The following ITGA1 variants were observed in gnomAD, a reference collection of about 807,000 sequenced individuals.
ITGA1 encodes the protein integrin alpha-1.
ITGA1 carries 85 observed loss-of-function variants against 145.9 expected under a neutral mutation model. The observed-to-expected ratio is 0.58, with a 90% CI of 0.49 to 0.70. The LOEUF is 0.70. ITGA1 is among the 30% of genes least tolerant of loss of function. The pLI is 0.00. For missense variants in ITGA1, 1,351 were observed against 1,418.7 expected (o/e 0.95, Z 0.77); for synonymous variants, 520 against 495.3 (o/e 1.05, Z -0.66).
At chr5:52,914,690 A>G (rs1042610705) in intron 14 of ITGA1, among the ~76,000 whole-genome samples, 1 of 152,016 alleles carries the variant, frequency 6.6e-6, no homozygotes, top group Non-Finnish European at 1.5e-5. Context: ...TAGGCTTCTT[A>G]TTTTATGTTA....
chr5:52,893,617 T>C, intron 8 of ITGA1, 58 bp from the exon 9 acceptor site: 1 of 1,466,846 alleles, frequency 6.8e-7, no homozygotes, highest in Non-Finnish European at 9.3e-7. Flanking sequence ...ATGCTTGAGA[T>C]CCTTTATTTA....
In ITGA1 at chr5:52,836,864, G is replaced by A. The variant is rs1009994675; in HGVS notation, c.62-12501G>A. On this transcript the variant is annotated intron_variant, in intron 1 of 28. Coordinates refer to ENST00000282588, the MANE Select transcript of ITGA1 (RefSeq NM_181501.2). ...GATAAAATTAGAAAATCTTAGAGAA[G>A]TATCCTGTTACTACGTCTTCAAATG... Among the ~76,000 whole-genome samples, 4 of 151,986 alleles carry A rather than the reference G, an allele frequency of 2.6e-5. No individual in the cohort carries two copies. In the East Asian group the frequency reaches 7.7e-4, roughly 29 times the overall value.
intron 9 of ITGA1, 58 bp downstream of exon 9, chr5:52,893,898 G>A: frequency 7.4e-7 from 1 of 1,359,132 alleles, no homozygotes; most frequent in South Asian, 1.4e-5. Flanking sequence ...TCAGTATAAT[G>A]GGATTTTTGT....
chr5:52,875,989 A>G (rs950791827), intron 6 of ITGA1, among the ~76,000 whole-genome samples: 2 of 151,608 alleles, frequency 1.3e-5, no homozygotes, highest in Non-Finnish European at 2.9e-5. Flanking sequence ...GTTTCCTTCC[A>G]TAGTACTTTC....
At chr5:52,853,055 T>G (rs1749453599) in intron 2 of ITGA1, among the ~76,000 whole-genome samples, 1 of 152,156 alleles carries the variant, frequency 6.6e-6, no homozygotes, top group Non-Finnish European at 1.5e-5. Flanking sequence ...CATATTAATA[T>G]GTGTGTAAGT....
intron 1 of ITGA1, among the ~76,000 whole-genome samples, chr5:52,810,956 T>G (rs1392854965): frequency 1.3e-5 from 2 of 152,204 alleles, no homozygotes; most frequent in Non-Finnish European, 2.9e-5. Context: ...TTCATACAGA[T>G]TCACATATGT....
At chr5:52,919,589 C>T (rs1750701703) in intron 16 of ITGA1, among the ~76,000 whole-genome samples, 1 of 152,136 alleles carries the variant, frequency 6.6e-6, no homozygotes, top group South Asian at 2.1e-4. Context: ...GCCATTAATC[C>T]TTAAAATCTG....
At chr5:52,949,483 T>G (rs1335031451) in intron 28 of ITGA1, among the ~76,000 whole-genome samples, 1 of 152,168 alleles carries the variant, frequency 6.6e-6, no homozygotes, top group Non-Finnish European at 1.5e-5. Context: ...ATTTTACACC[T>G]GAGGACATTA....
intron 7 of ITGA1, among the ~76,000 whole-genome samples, chr5:52,886,099 T>A (rs72756569): frequency 0.13 from 19,364 of 152,120 alleles, 1,529 homozygotes; most frequent in South Asian, 0.19. Context: ...TAAACTGGAC[T>A]AAGTGGGTAA....
chr5:52,819,771 A>G (rs1424673674), intron 1 of ITGA1, among the ~76,000 whole-genome samples: 15 of 152,206 alleles, frequency 9.9e-5, no homozygotes, highest in Non-Finnish European at 1.9e-4. Flanking sequence ...TAGGGTTTTT[A>G]TGGTTTTAGA....
At chr5:52,925,687 C>T (rs1008069609) in intron 19 of ITGA1, among the ~76,000 whole-genome samples, 200 bp downstream of exon 19, 1 of 152,086 alleles carries the variant, frequency 6.6e-6, no homozygotes, top group African/African-American at 2.4e-5. Context: ...TATGTCTTTT[C>T]TTAGATTCTG....
At chr5:52,829,656 C>T (rs905191203) in intron 1 of ITGA1, among the ~76,000 whole-genome samples, 24 of 151,564 alleles carry the variant, frequency 1.6e-4, no homozygotes, top group African/African-American at 5.6e-4. Context: ...CTAATGAAAA[C>T]AGTTCAATAC....
intron 18 of ITGA1, 92 bp from the exon 19 acceptor site, chr5:52,925,186 G>T: frequency 1.1e-6 from 1 of 877,502 alleles, no homozygotes; most frequent in Non-Finnish European, 1.9e-6. Context: ...AACTTACTTT[G>T]GCTGTATGCC....
rs563108591 is a variant in ITGA1 at position 52,954,012 on chromosome 5, C to T, written c.*1561C>T. On this transcript the variant is annotated 3_prime_UTR_variant, in exon 29 of 29. Transcript: ENST00000282588. ...GACTCAGAGTCAGCCTACCTCTTGA[C>T]TCTCCACATCCGCATCTAAGATCCT... 8 of 152,250 alleles carry T rather than the reference C, an allele frequency of 5.3e-5. No homozygotes were observed. In the South Asian group the frequency reaches 1.7e-3, roughly 32 times the overall value. The allele number at this position is 152,250 out of a possible 1,614,324, so 9.4% of individuals were successfully genotyped here.
intron 1 of ITGA1, chr5:52,800,056 G>T: frequency 6.3e-6 from 2 of 317,354 alleles, no homozygotes; most frequent in South Asian, 3.3e-5. Context: ...GACGGGAGAC[G>T]TGCGTCGGGT....
chr5:52,866,674 C>T (rs1407021854), intron 6 of ITGA1, among the ~76,000 whole-genome samples: 1 of 152,160 alleles, frequency 6.6e-6, no homozygotes, highest in East Asian at 1.9e-4. Flanking sequence ...TGTTTATCCC[C>T]CCAATTAATA....
At chr5:52,899,998 C>T (rs1256710651) in intron 11 of ITGA1, among the ~76,000 whole-genome samples, 1 of 152,124 alleles carries the variant, frequency 6.6e-6, no homozygotes, top group African/African-American at 2.4e-5. Flanking sequence ...TGAGTACCAG[C>T]AATGTGCCAA....
intron 1 of ITGA1, among the ~76,000 whole-genome samples, chr5:52,848,063 C>T (rs1192248023): frequency 1.3e-5 from 2 of 152,138 alleles, no homozygotes; most frequent in Non-Finnish European, 2.9e-5. Context: ...GTAGTATGTG[C>T]CAGGCACTGG....
At chr5:52,869,659 C>T (rs542886090) in intron 6 of ITGA1, among the ~76,000 whole-genome samples, 52 of 152,246 alleles carry the variant, frequency 3.4e-4, no homozygotes, top group African/African-American at 1.3e-3. Context: ...CACAGTAAGT[C>T]CTCAATGAGC....
Sources: gnomAD v4.1 joint callset for allele counts (sites outside exome capture counted in the v4.1 genomes callset) on GRCh38, gnomAD v4.1.1 for gene constraint, MANE v1.5 for transcripts, NCBI Gene and HGNC (gene_info 2026-07-23, HGNC 2026-07-21) for gene names.